Variants in THSD7B observed in about 807,000 individuals in gnomAD.
The protein encoded by THSD7B is thrombospondin type-1 domain-containing protein 7B.
In THSD7B, 138 loss-of-function variants were observed where a neutral mutation model predicts 213.6. The ratio of observed to expected loss-of-function variants is 0.65; its 90% CI spans 0.56 to 0.74. The LOEUF (loss-of-function observed/expected upper bound fraction) is 0.74. Among genes scored for constraint, THSD7B ranks in the 30% least tolerant of loss-of-function variants. The pLI is 0.00. For synonymous variants in THSD7B, 742 were observed against 687.0 expected (o/e 1.08, Z -1.25); for missense variants, 1,931 against 1,991.5 (o/e 0.97, Z 0.58).
chr2:136,815,173 G>A (rs907648592), intron 1 of THSD7B, among the ~76,000 whole-genome samples: 10 of 152,236 alleles, frequency 6.6e-5, no homozygotes, highest in Non-Finnish European at 1.2e-4. Flanking sequence ...TAGAAGGGAA[G>A]TGTAACTCTG....
chr2:137,084,227 G>T (rs1401149690), intron 3 of THSD7B, among the ~76,000 whole-genome samples: 1 of 152,136 alleles, frequency 6.6e-6, no homozygotes, highest in Non-Finnish European at 1.5e-5. Context: ...AGCTATGTCT[G>T]CTGTATTGGG....
At chr2:137,180,842 T>C (rs1022305659) in intron 7 of THSD7B, among the ~76,000 whole-genome samples, 4 of 152,188 alleles carry the variant, frequency 2.6e-5, no homozygotes, top group African/African-American at 9.6e-5. Context: ...GTTAAGATGT[T>C]ATTTTTTGGT....
chr2:137,069,642 G>T (rs1687443189), intron 3 of THSD7B, among the ~76,000 whole-genome samples: 1 of 151,804 alleles, frequency 6.6e-6, no homozygotes, highest in Non-Finnish European at 1.5e-5. Flanking sequence ...TTTTTAAAAA[G>T]CCATCATCTC....
At chr2:136,933,823 C>A (rs1471619318) in intron 2 of THSD7B, among the ~76,000 whole-genome samples, 5 of 152,102 alleles carry the variant, frequency 3.3e-5, no homozygotes, top group African/African-American at 1.2e-4. Flanking sequence ...TTGAACCTAA[C>A]TGAAAATTTT....
At chr2:136,885,278 G>A (rs1249475585) in intron 2 of THSD7B, among the ~76,000 whole-genome samples, 1 of 151,200 alleles carries the variant, frequency 6.6e-6, no homozygotes, top group African/African-American at 2.4e-5. Context: ...TAGGTCCGAT[G>A]TTAGTCAACC....
intron 1 of THSD7B, among the ~76,000 whole-genome samples, chr2:136,867,584 C>T (rs2104978003): frequency 6.6e-6 from 1 of 152,308 alleles, no homozygotes; most frequent in East Asian, 1.9e-4. Context: ...AATATCATTT[C>T]ACAGAAGAGA....
intron 17 of THSD7B, among the ~76,000 whole-genome samples, chr2:137,607,542 G>T (rs7609531): frequency 0.22 from 33,223 of 152,022 alleles, 4,255 homozygotes; most frequent in African/African-American, 0.35. Flanking sequence ...CTCATGGGTC[G>T]CAATAATGTC....
chr2:137,338,590 A>G (rs1025520467), intron 12 of THSD7B, among the ~76,000 whole-genome samples: 9 of 152,156 alleles, frequency 5.9e-5, no homozygotes, highest in East Asian at 1.9e-4. Context: ...TACAATGTTA[A>G]TGAATTATAA....
At chr2:137,322,357 T>C (rs1211941845) in intron 12 of THSD7B, among the ~76,000 whole-genome samples, 1 of 152,128 alleles carries the variant, frequency 6.6e-6, no homozygotes, top group African/African-American at 2.4e-5. Context: ...TAAAATGAAA[T>C]TAGAGGAGTA....
At chr2:136,869,332 T>G (rs1227358924) in intron 1 of THSD7B, among the ~76,000 whole-genome samples, 1 of 152,228 alleles carries the variant, frequency 6.6e-6, no homozygotes, top group African/African-American at 2.4e-5. Flanking sequence ...AATTTACCTT[T>G]TCCCTGTGCA....
At chr2:137,502,287 C>CAGATAGATAAATAGAT (rs1553455508) in intron 15 of THSD7B, among the ~76,000 whole-genome samples, 1 of 144,960 alleles carries the variant, frequency 6.9e-6, no homozygotes, top group Non-Finnish European at 1.5e-5. Flanking sequence ...TCCTTACTGA[C>CAGATAGATAAATAGAT]AGATAGATAA....
intron 3 of THSD7B, among the ~76,000 whole-genome samples, chr2:137,070,094 T>G (rs1472346458): frequency 6.6e-6 from 1 of 151,916 alleles, no homozygotes; most frequent in Admixed American, 6.6e-5. Flanking sequence ...ATGTCACTAA[T>G]CCCATGTCCT....
intron 1 of THSD7B, among the ~76,000 whole-genome samples, chr2:136,791,150 A>G (rs1235573947): frequency 3.9e-5 from 6 of 152,016 alleles, no homozygotes; most frequent in African/African-American, 1.4e-4. Flanking sequence ...TAAGGATCCT[A>G]CAGAAATAAA....
At chr2:137,325,435 T>A (rs965351008) in intron 12 of THSD7B, among the ~76,000 whole-genome samples, 4 of 152,152 alleles carry the variant, frequency 2.6e-5, no homozygotes, top group African/African-American at 9.7e-5. Flanking sequence ...GTGGTGGGCT[T>A]CGCTGGACCT....
chr2:137,523,642 A>G (rs746791979), intron 15 of THSD7B, among the ~76,000 whole-genome samples: 17 of 152,092 alleles, frequency 1.1e-4, no homozygotes, highest in Non-Finnish European at 2.5e-4. Context: ...TCCCTTTTTC[A>G]TGCTCGTAGA....
intron 1 of THSD7B, among the ~76,000 whole-genome samples, chr2:136,857,744 C>T (rs905514366): frequency 7.2e-5 from 11 of 152,188 alleles, no homozygotes; most frequent in African/African-American, 2.7e-4. Flanking sequence ...TAAATTCATA[C>T]ATGACTACTC....
intron 15 of THSD7B, among the ~76,000 whole-genome samples, chr2:137,522,266 G>A (rs750607052): frequency 1.2e-4 from 18 of 152,196 alleles, no homozygotes; most frequent in Non-Finnish European, 2.1e-4. Flanking sequence ...CAGAGGGATA[G>A]TGTAGAAATG....
At chr2:137,599,062 TG>T (rs1017156269) in intron 17 of THSD7B, among the ~76,000 whole-genome samples, 10 of 122,204 alleles carry the variant, frequency 8.2e-5, no homozygotes, top group African/African-American at 3.1e-4. Context: ...GTCCCCAGAG[TG>T]TGGTATTCCC....
intron 21 of THSD7B, among the ~76,000 whole-genome samples, chr2:137,649,255 A>G (rs1683095326): frequency 6.6e-6 from 1 of 152,158 alleles, no homozygotes; most frequent in South Asian, 2.1e-4. Context: ...TTTGCTATGC[A>G]GAAGCTTTTT....
Sources: allele counts gnomAD v4.1 joint callset (sites outside exome capture counted in the v4.1 genomes callset), GRCh38; gene constraint gnomAD v4.1.1; transcripts MANE v1.5; gene names NCBI Gene and HGNC (gene_info 2026-07-23, HGNC 2026-07-21).